DLGAP2: variants seen among roughly 807,000 people sequenced by gnomAD.
DLGAP2 encodes the protein DLG associated protein 2.
A neutral mutation model predicts 100.3 loss-of-function variants in DLGAP2; 26 were observed. The ratio of observed to expected loss-of-function variants is 0.26; its 90% CI spans 0.19 to 0.36. The LOEUF is 0.36. DLGAP2 is among the 10% of genes least tolerant of loss of function. The pLI is 1.00. For synonymous variants in DLGAP2, 886 were observed against 630.1 expected (o/e 1.41, Z -6.08); for missense variants, 1,858 against 1,453.2 (o/e 1.28, Z -4.53).
chr8:1,078,440 A>T (rs548077271), intron 2 of DLGAP2, among the ~76,000 whole-genome samples: 1 of 152,274 alleles, frequency 6.6e-6, no homozygotes, highest in African/African-American at 2.4e-5. Flanking sequence ...CTTATATCAC[A>T]TCCAGCCTTG....
At chr8:1,022,322 G>A (rs1175571188) in intron 2 of DLGAP2, among the ~76,000 whole-genome samples, 2 of 149,232 alleles carry the variant, frequency 1.3e-5, no homozygotes, top group African/African-American at 5.0e-5. Flanking sequence ...ACCCTCCCTG[G>A]GAGTGGACGG....
intron 1 of DLGAP2, among the ~76,000 whole-genome samples, chr8:777,759 C>A (rs998110679): frequency 9.2e-5 from 14 of 152,250 alleles, no homozygotes; most frequent in African/African-American, 3.1e-4. Context: ...GGTAACCCGA[C>A]CTTTCTCTCT....
chr8:1,188,149 T>C (rs1230245239), intron 2 of DLGAP2, among the ~76,000 whole-genome samples: 258 of 59,272 alleles, frequency 4.4e-3, no homozygotes, highest in Middle Eastern at 0.015. Context: ...CGCCCGGGAC[T>C]TCCGTGACGT....
At chr8:1,640,306 C>G (rs1333846830) in intron 8 of DLGAP2, among the ~76,000 whole-genome samples, 1 of 131,600 alleles carries the variant, frequency 7.6e-6, no homozygotes, top group Non-Finnish European at 1.6e-5. Context: ...CCCCGTGGGT[C>G]CTCAGTGTCA....
intron 1 of DLGAP2, among the ~76,000 whole-genome samples, chr8:755,912 G>C (rs1403767075): frequency 6.6e-6 from 1 of 152,200 alleles, no homozygotes; most frequent in Non-Finnish European, 1.5e-5. Flanking sequence ...CGGGTGGAGA[G>C]TGTGGGATAA....
chr8:1,328,036 C>A (rs999303209), intron 3 of DLGAP2, among the ~76,000 whole-genome samples: 1 of 151,752 alleles, frequency 6.6e-6, no homozygotes, highest in Admixed American at 6.6e-5. Context: ...TAACAAGGGC[C>A]TTTTTATAGT....
At chr8:1,666,209 T>C (rs1210856230) in intron 8 of DLGAP2, among the ~76,000 whole-genome samples, 1 of 152,186 alleles carries the variant, frequency 6.6e-6, no homozygotes, top group East Asian at 1.9e-4. Flanking sequence ...GCTTAAGGCA[T>C]TGATTGACGT....
chr8:811,172 A>ACAC (rs1373927785), intron 1 of DLGAP2, among the ~76,000 whole-genome samples: 1 of 152,244 alleles, frequency 6.6e-6, no homozygotes, highest in African/African-American at 2.4e-5. Flanking sequence ...GGGCGCGAGC[A>ACAC]AGTAACCTGA....
intron 3 of DLGAP2, among the ~76,000 whole-genome samples, chr8:1,467,177 G>T (rs1798650370): frequency 6.6e-6 from 1 of 152,058 alleles, no homozygotes; most frequent in Non-Finnish European, 1.5e-5. Context: ...GAGGGGTCCA[G>T]CAGGGGCCCA....
At chr8:855,217 C>G (rs1257588474) in intron 1 of DLGAP2, among the ~76,000 whole-genome samples, 4 of 152,228 alleles carry the variant, frequency 2.6e-5, no homozygotes, top group Non-Finnish European at 4.4e-5. Context: ...ATCATTGACT[C>G]CAGCTATGTT....
intron 3 of DLGAP2, among the ~76,000 whole-genome samples, chr8:1,308,655 A>G (rs534856397): frequency 6.6e-6 from 1 of 152,192 alleles, no homozygotes; most frequent in African/African-American, 2.4e-5. Context: ...CCTCCTGACT[A>G]GTTGGGACTA....
chr8:1,176,453 G>T (rs1380568667), intron 2 of DLGAP2, among the ~76,000 whole-genome samples: 5 of 152,204 alleles, frequency 3.3e-5, no homozygotes, highest in Non-Finnish European at 7.3e-5. Context: ...GTATTTACAT[G>T]AGATGTAGAA....
intron 8 of DLGAP2, among the ~76,000 whole-genome samples, chr8:1,640,067 A>C (rs949322414): frequency 6.6e-6 from 1 of 152,234 alleles, no homozygotes; most frequent in African/African-American, 2.4e-5. Context: ...TTTGGTAAAT[A>C]CTGGTAGAGT....
intron 6 of DLGAP2, among the ~76,000 whole-genome samples, chr8:1,583,787 G>C (rs574255194): frequency 6.6e-6 from 1 of 152,206 alleles, no homozygotes; most frequent in East Asian, 1.9e-4. Context: ...TCAGCTTTCT[G>C]TTTGAGACCC....
At chr8:765,803 A>ACG in intron 1 of DLGAP2, among the ~76,000 whole-genome samples, 1 of 151,986 alleles carries the variant, frequency 6.6e-6, no homozygotes. Flanking sequence ...ACACACACAC[A>ACG]CGCGATGATG....
chr8:787,674 C>T (rs1181076179), intron 1 of DLGAP2, among the ~76,000 whole-genome samples: 2 of 152,186 alleles, frequency 1.3e-5, no homozygotes, highest in African/African-American at 2.4e-5. Flanking sequence ...TGCTCCGGGC[C>T]CCCTTGCCAA....
intron 1 of DLGAP2, among the ~76,000 whole-genome samples, chr8:890,089 G>A (rs1467224222): frequency 6.6e-6 from 1 of 152,160 alleles, no homozygotes; most frequent in Admixed American, 6.5e-5. Context: ...TTCTAGTGAA[G>A]TTTGATGAGA....
chr8:1,251,966 G>C (rs531581105), intron 2 of DLGAP2, among the ~76,000 whole-genome samples: 51 of 152,366 alleles, frequency 3.3e-4, no homozygotes, highest in African/African-American at 1.2e-3. Flanking sequence ...TCACAGTCAT[G>C]TCATGTCACA....
chr8:1,172,270 C>A (rs1171094685), intron 2 of DLGAP2, among the ~76,000 whole-genome samples: 1 of 152,198 alleles, frequency 6.6e-6, no homozygotes, highest in Non-Finnish European at 1.5e-5. Flanking sequence ...GTCTGATGGG[C>A]TTCCCTTTGT....
Sources: gnomAD v4.1 joint callset for allele counts (sites outside exome capture counted in the v4.1 genomes callset) on GRCh38, gnomAD v4.1.1 for gene constraint, MANE v1.5 for transcripts, NCBI Gene and HGNC (gene_info 2026-07-23, HGNC 2026-07-21) for gene names.